RBFOX3: variants seen among roughly 807,000 people sequenced by gnomAD.
RBFOX3 encodes RNA binding protein fox-1 homolog 3.
Under a neutral mutation model 48.7 loss-of-function variants are expected in RBFOX3, and 17 were observed. The ratio of observed to expected loss-of-function variants is 0.35; its 90% CI spans 0.24 to 0.52. The LOEUF is 0.52. Ranked by LOEUF, RBFOX3 falls within the 20% of genes least tolerant of loss-of-function variation. RBFOX3 has a pLI of 0.94. For missense variants in RBFOX3, 382 were observed against 497.5 expected (o/e 0.77, Z 2.21); for synonymous variants, 212 against 209.5 (o/e 1.01, Z -0.10).
At chr17:79,144,372 ACGCC>A (rs2042576401) in intron 4 of RBFOX3, among the ~76,000 whole-genome samples, 1 of 151,976 alleles carries the variant, frequency 6.6e-6, no homozygotes, top group Non-Finnish European at 1.5e-5. Context: ...TAGGCGGGAG[ACGCC>A]TACCACAGAG....
intron 2 of RBFOX3, among the ~76,000 whole-genome samples, chr17:79,323,432 G>A (rs899181706): frequency 1.4e-4 from 21 of 152,326 alleles, no homozygotes; most frequent in African/African-American, 4.8e-4. Context: ...ATGGAGACAC[G>A]AGAGATGGTT....
the RBFOX3 span, among the ~76,000 whole-genome samples, chr17:79,626,753 T>C: frequency 6.6e-6 from 1 of 152,202 alleles, no homozygotes; most frequent in Non-Finnish European, 1.5e-5. Flanking sequence ...TTGTGAGCCT[T>C]CTTGGGCCAA....
In RBFOX3 at chr17:79,143,936, C is replaced by T. The variant is rs1049789957; in HGVS notation, c.-33-28188G>A. The stretch of plus-strand genomic sequence containing the variant: ...GTTCCTATTTAACTGCAGGCCAGGA[C>T]GGACACCCCCATCCTTCCACTGAAG... On this transcript the variant is annotated intron_variant, in intron 4 of 14. Coordinates refer to ENST00000693108, the MANE Select transcript of RBFOX3 (RefSeq NM_001350451.2). Among the ~76,000 whole-genome samples the T allele has an allele frequency of 1.2e-4, 18 of 152,352 alleles. No homozygotes were observed. The East Asian group carries it at 2.3e-3, about 20-fold the overall frequency.
intron 2 of RBFOX3, among the ~76,000 whole-genome samples, chr17:79,408,982 T>C (rs367883193): frequency 1.3e-5 from 2 of 152,206 alleles, no homozygotes; most frequent in East Asian, 1.9e-4. Flanking sequence ...AAGCAGCCTC[T>C]GCCCATCACC....
chr17:79,388,002 GT>G (rs1315999824), intron 2 of RBFOX3, among the ~76,000 whole-genome samples: 2 of 57,018 alleles, frequency 3.5e-5, no homozygotes, highest in Non-Finnish European at 7.0e-5. Context: ...GAATGTGTAC[GT>G]GTGTGTGTGT....
chr17:79,315,055 C>G (rs1036676311), intron 2 of RBFOX3, among the ~76,000 whole-genome samples: 1 of 152,036 alleles, frequency 6.6e-6, no homozygotes, highest in Non-Finnish European at 1.5e-5. Context: ...ATTGATGGCC[C>G]GCTGCAGGAG....
At chr17:79,119,020 C>A (rs1048419006) in intron 4 of RBFOX3, among the ~76,000 whole-genome samples, 2 of 149,314 alleles carry the variant, frequency 1.3e-5, no homozygotes, top group Non-Finnish European at 3.0e-5. Context: ...AAAAAGAAAG[C>A]GCAGCTCCTG....
intron 2 of RBFOX3, among the ~76,000 whole-genome samples, chr17:79,419,722 T>C (rs1555721017): frequency 6.6e-6 from 1 of 152,192 alleles, no homozygotes; most frequent in African/African-American, 2.4e-5. Context: ...AGGAAAGCAT[T>C]TTGAAACACA....
intron 3 of RBFOX3, among the ~76,000 whole-genome samples, chr17:79,300,363 G>C (rs1339605781): frequency 6.6e-6 from 1 of 152,210 alleles, no homozygotes; most frequent in African/African-American, 2.4e-5. Context: ...CCAGAATCCA[G>C]TAGAGATGGG....
chr17:79,217,296 T>TG (rs1385369836), intron 4 of RBFOX3, among the ~76,000 whole-genome samples: 4 of 152,206 alleles, frequency 2.6e-5, no homozygotes, highest in Non-Finnish European at 5.9e-5. Flanking sequence ...GCCATGCCCA[T>TG]GGGAGGTGGA....
intron 4 of RBFOX3, among the ~76,000 whole-genome samples, chr17:79,180,736 G>A (rs983791288): frequency 5.3e-5 from 8 of 152,050 alleles, no homozygotes; most frequent in Non-Finnish European, 1.2e-4. Context: ...CCCACAAATA[G>A]CCAGGAAATG....
At chr17:79,425,927 G>A (rs1480430600) in intron 2 of RBFOX3, among the ~76,000 whole-genome samples, 2 of 152,232 alleles carry the variant, frequency 1.3e-5, no homozygotes, top group Non-Finnish European at 2.9e-5. Flanking sequence ...CGCCTGGGAA[G>A]GTGGTGCGAG....
At chr17:79,426,580 G>A (rs1425840156) in intron 2 of RBFOX3, among the ~76,000 whole-genome samples, 1 of 152,168 alleles carries the variant, frequency 6.6e-6, no homozygotes, top group Non-Finnish European at 1.5e-5. Context: ...TGAAGCCTCG[G>A]TGTGAACCCC....
intron 2 of RBFOX3, among the ~76,000 whole-genome samples, chr17:79,312,561 G>A (rs899780660): frequency 7.2e-5 from 11 of 152,098 alleles, no homozygotes; most frequent in African/African-American, 2.7e-4. Flanking sequence ...CAAGGTGGGG[G>A]CAGGTGGTGG....
chr17:79,641,522 C>T, the RBFOX3 span, among the ~76,000 whole-genome samples: 2 of 152,166 alleles, frequency 1.3e-5, no homozygotes, highest in Non-Finnish European at 2.9e-5. Context: ...GCATTATTCA[C>T]AATTGCCAAG....
In RBFOX3 at chr17:79,467,750, C is replaced by T. The variant is rs999205021; in HGVS notation, c.-175+14704G>A. ...GGATCCAGGAGTGGGCACCTCTCCT[C>T]CCTGGGATCACTATGGTCTTTGTTC... On this transcript the variant is annotated intron_variant, in intron 2 of 14. Coordinates refer to ENST00000693108, the MANE Select transcript of RBFOX3 (RefSeq NM_001350451.2). Among the ~76,000 whole-genome samples the T allele has an allele frequency of 3.3e-5, 5 of 152,302 alleles. No homozygotes were observed. The East Asian group carries it at 7.7e-4, about 24-fold the overall frequency.
chr17:79,426,272 G>A (rs1200070740), intron 2 of RBFOX3, among the ~76,000 whole-genome samples: 1 of 152,180 alleles, frequency 6.6e-6, no homozygotes, highest in Non-Finnish European at 1.5e-5. Flanking sequence ...AGGCCCAGAG[G>A]GGAGGCAGAC....
the RBFOX3 span, among the ~76,000 whole-genome samples, chr17:79,641,792 C>T: frequency 6.6e-6 from 1 of 152,274 alleles, no homozygotes; most frequent in South Asian, 2.1e-4. Flanking sequence ...CATGTTTTAA[C>T]ACCATCTCCC....
chr17:79,498,213 C>A (rs953986768), intron 1 of RBFOX3, among the ~76,000 whole-genome samples: 1 of 152,212 alleles, frequency 6.6e-6, no homozygotes, highest in Non-Finnish European at 1.5e-5. Context: ...CCTCAGGGAT[C>A]CCGCCATGAC....
Sources: gnomAD v4.1 joint callset for allele counts (sites outside exome capture counted in the v4.1 genomes callset) on GRCh38, gnomAD v4.1.1 for gene constraint, MANE v1.5 for transcripts, NCBI Gene and HGNC (gene_info 2026-07-23, HGNC 2026-07-21) for gene names.